The following REDIC1 variants were observed in gnomAD, a reference collection of about 807,000 sequenced individuals.
The protein encoded by REDIC1 is HEI10 Interacting Protein 1.
the REDIC1 span, among the ~76,000 whole-genome samples, chr12:39,713,626 A>G: frequency 6.7e-6 from 1 of 148,676 alleles, no homozygotes; most frequent in African/African-American, 2.5e-5. Context: ...ATACGCATGT[A>G]TACAGTACAT....
the REDIC1 span, among the ~76,000 whole-genome samples, chr12:39,704,826 A>G: frequency 1.0e-3 from 156 of 152,292 alleles, 2 homozygotes; most frequent in African/African-American, 3.6e-3. Flanking sequence ...CCAAGAACAA[A>G]AAACCAAACA....
At chr12:39,797,434 T>C in the REDIC1 span, among the ~76,000 whole-genome samples, 1 of 152,214 alleles carries the variant, frequency 6.6e-6, no homozygotes, top group African/African-American at 2.4e-5. Flanking sequence ...TAGCAGAATA[T>C]GGTTTTCTAT....
At chr12:39,640,413 T>C in the REDIC1 span, among the ~76,000 whole-genome samples, 1 of 151,948 alleles carries the variant, frequency 6.6e-6, no homozygotes, top group African/African-American at 2.4e-5. Flanking sequence ...CCTGGCTTTA[T>C]AGTATTTTGT....
chr12:39,789,366 G>T, the REDIC1 span, among the ~76,000 whole-genome samples: 1 of 152,030 alleles, frequency 6.6e-6, no homozygotes, highest in Non-Finnish European at 1.5e-5. Flanking sequence ...ATTCATTCAG[G>T]TAGATGCCTT....
At chr12:39,848,411 G>A in the REDIC1 span, among the ~76,000 whole-genome samples, 39 of 152,000 alleles carry the variant, frequency 2.6e-4, no homozygotes, top group Non-Finnish European at 4.9e-4. Context: ...CAGCCAAGGA[G>A]CATATGAAAA....
At chr12:39,753,606 A>C in the REDIC1 span, among the ~76,000 whole-genome samples, 1 of 152,194 alleles carries the variant, frequency 6.6e-6, no homozygotes, top group African/African-American at 2.4e-5. Flanking sequence ...TATGTCAAAG[A>C]AGCCAATGTG....
chr12:39,781,870 A>G, the REDIC1 span, among the ~76,000 whole-genome samples: 10 of 152,200 alleles, frequency 6.6e-5, no homozygotes, highest in Non-Finnish European at 1.2e-4. Flanking sequence ...GGGATTTAGG[A>G]CATTTGCCTG....
chr12:39,896,455 T>C, the REDIC1 span, among the ~76,000 whole-genome samples: 1 of 144,602 alleles, frequency 6.9e-6, no homozygotes, highest in Non-Finnish European at 1.5e-5. Context: ...TATATGTGTG[T>C]ATATATGTAT....
At chr12:39,730,195 G>A in the REDIC1 span, among the ~76,000 whole-genome samples, 2 of 152,178 alleles carry the variant, frequency 1.3e-5, no homozygotes, top group Non-Finnish European at 1.5e-5. Flanking sequence ...ATTTGATCCT[G>A]TCATTATGAT....
chr12:39,664,409 C>CA, the REDIC1 span, among the ~76,000 whole-genome samples: 1 of 152,126 alleles, frequency 6.6e-6, no homozygotes. Context: ...ATGAACTCAT[C>CA]CTTTTTTATG....
chr12:39,681,507 A>G, the REDIC1 span, among the ~76,000 whole-genome samples: 388 of 152,350 alleles, frequency 2.5e-3, 1 homozygote, highest in African/African-American at 8.5e-3. Flanking sequence ...AGTGTGCTTA[A>G]TATCTTATAA....
At chr12:39,823,261 T>C in the REDIC1 span, among the ~76,000 whole-genome samples, 1 of 152,224 alleles carries the variant, frequency 6.6e-6, no homozygotes, top group Non-Finnish European at 1.5e-5. Context: ...TGGTAAAAAT[T>C]AACTTTGAGC....
the REDIC1 span, among the ~76,000 whole-genome samples, chr12:39,904,884 C>T: frequency 0.012 from 1,788 of 152,190 alleles, 21 homozygotes; most frequent in Middle Eastern, 0.027. Flanking sequence ...TGCATTGCCT[C>T]GTCATTGTGT....
chr12:39,691,495 A>T, the REDIC1 span, among the ~76,000 whole-genome samples: 1 of 152,192 alleles, frequency 6.6e-6, no homozygotes, highest in African/African-American at 2.4e-5. Flanking sequence ...ATTGAAATCA[A>T]CTAAAAAGAG....
At chr12:39,692,387 T>C in the REDIC1 span, among the ~76,000 whole-genome samples, 2 of 152,066 alleles carry the variant, frequency 1.3e-5, no homozygotes, top group Non-Finnish European at 2.9e-5. Flanking sequence ...CATAATACTT[T>C]TGAAGATTTC....
chr12:39,854,597 A>G, the REDIC1 span, among the ~76,000 whole-genome samples: 1 of 152,174 alleles, frequency 6.6e-6, no homozygotes, highest in Non-Finnish European at 1.5e-5. Flanking sequence ...TGGGGCTGCC[A>G]GACTCTTCTC....
chr12:39,719,080 T>A, the REDIC1 span, among the ~76,000 whole-genome samples: 1 of 152,124 alleles, frequency 6.6e-6, no homozygotes. Flanking sequence ...TCTTTCTTTT[T>A]TAAAAGAACT....
chr12:39,827,039 C>T, the REDIC1 span, among the ~76,000 whole-genome samples: 2 of 150,326 alleles, frequency 1.3e-5, no homozygotes, highest in Non-Finnish European at 3.0e-5. Context: ...TTAACTTTTG[C>T]ACCAGCCTGA....
chr12:39,661,467 T>C, the REDIC1 span, among the ~76,000 whole-genome samples: 1 of 152,166 alleles, frequency 6.6e-6, no homozygotes, highest in Non-Finnish European at 1.5e-5. Context: ...TTTTGAGAAG[T>C]GTCTATATCC....
Sources: allele counts gnomAD v4.1 joint callset (sites outside exome capture counted in the v4.1 genomes callset), GRCh38; gene constraint gnomAD v4.1.1; transcripts MANE v1.5; gene names NCBI Gene and HGNC (gene_info 2026-07-23, HGNC 2026-07-21).